Variants in CRTAP observed in about 807,000 individuals in gnomAD.
The protein encoded by CRTAP is cartilage associated protein.
CRTAP carries 33 observed loss-of-function variants against 42.7 expected under a neutral mutation model. The ratio of observed to expected loss-of-function variants is 0.77; its 90% CI spans 0.59 to 1.03. CRTAP has a LOEUF of 1.03. CRTAP is among the 50% of genes least tolerant of loss of function. The probability of loss-of-function intolerance (pLI) is 0.00; values close to 1 mark genes in which losing one functional copy is unlikely to be tolerated. For synonymous variants in CRTAP, 243 were observed against 217.7 expected, an observed-to-expected ratio of 1.12 and a Z score of -1.02; for missense variants, 613 against 533.9, an observed-to-expected ratio of 1.15 and a Z score of -1.46.
Position 33,124,489 on chromosome 3 carries a change from G to A in CRTAP, c.703G>A (p.Asp235Asn), listed in dbSNP as rs770887829. The change falls in exon 3 of 7, where the codon GAC becomes AAC. Residue 235 changes from aspartate to asparagine, a missense_variant. Transcript: ENST00000320954. Reference sequence around the variant, plus strand: ...CACAGACATGGAGCTGGCCCTTCCCGACTTCTTCAAAGCCTTTTACGAGTG... The same window carrying A: ...CACAGACATGGAGCTGGCCCTTCCCAACTTCTTCAAAGCCTTTTACGAGTG... ...SITDMELALP[D>N]FFKAFYECLA... is the part of the protein sequence containing the mutation. 2 of 1,614,210 alleles carry A rather than the reference G, an allele frequency of 1.2e-6. No individual in the cohort carries two copies. Among genetic ancestry groups the A allele is most frequent in the Non-Finnish European group, 1.7e-6 (2 of 1,180,040 alleles).
In CRTAP at chr3:33,114,114, G is replaced by T. The variant is rs1417210174; in HGVS notation, c.37G>T (p.Ala13Ser). The T allele has an allele frequency of 6.6e-7, 1 of 1,523,122 alleles. No homozygotes were observed. Among genetic ancestry groups the T allele is most frequent in the Admixed American group, 2.1e-5 (1 of 48,726 alleles). 94.4% of individuals were successfully genotyped at this position (1,523,122 alleles called of 1,614,324 possible). ...PGRRGAAALL[A>S]LLCVACALRA... is the part of the protein sequence containing the mutation. Reference sequence around the variant, plus strand: ...GCGCCGGGGGGCCGCGGCGCTGCTAGCGCTGCTGTGCGTGGCCTGCGCGCT... The same window carrying T: ...GCGCCGGGGGGCCGCGGCGCTGCTATCGCTGCTGTGCGTGGCCTGCGCGCT... Residue 13 changes from alanine (A) to serine (S), a missense_variant, in exon 1 of 7, where the codon GCG (alanine) becomes TCG (serine). Coordinates refer to ENST00000320954, the MANE Select transcript of CRTAP (RefSeq NM_006371.5).
intron 3 of CRTAP, among the ~76,000 whole-genome samples, chr3:33,128,617 G>A (rs2030147070): frequency 6.6e-6 from 1 of 152,144 alleles, no homozygotes; most frequent in Non-Finnish European, 1.5e-5. Context: ...AGGCTTTTTT[G>A]TTGGTGATGG....
chr3:33,114,590 T>C (rs1348112338), intron 1 of CRTAP, 42 bp downstream of exon 1: 10 of 1,538,160 alleles, frequency 6.5e-6, no homozygotes, highest in Non-Finnish European at 8.8e-6. Context: ...GCCCCGCCCC[T>C]GACCCAGCCT....
chr3:33,139,308 A>G (rs935756783), intron 6 of CRTAP, among the ~76,000 whole-genome samples: 7 of 150,754 alleles, frequency 4.6e-5, no homozygotes, highest in African/African-American at 1.5e-4. Context: ...GTCTCTCTGG[A>G]AAAAAAAAGA....
At chr3:33,141,946 G>A (rs1291809664) in intron 6 of CRTAP, among the ~76,000 whole-genome samples, 1 of 152,172 alleles carries the variant, frequency 6.6e-6, no homozygotes, top group East Asian at 1.9e-4. Flanking sequence ...CATGTATTGA[G>A]CACCTTCTGT....
chr3:33,124,726 C>T, intron 3 of CRTAP, 147 bp downstream of exon 3: 1 of 887,372 alleles, frequency 1.1e-6, no homozygotes, highest in Non-Finnish European at 1.8e-6. Context: ...GGGTAGTCAC[C>T]ACCTGCATAG....
At position 33,117,425 on chromosome 3, in the gene CRTAP, A is replaced by G. The variant is rs551976901; in HGVS notation, c.471+2877A>G. Among the ~76,000 whole-genome samples the G allele has an allele frequency of 2.0e-5, 3 of 152,304 alleles. No homozygotes were observed. The East Asian group carries it at 5.8e-4, about 29-fold the overall frequency. ...GCTACTGGTGTGCAGCCTCAGGTGC[A>G]TCATAGGTTTCTCGTCACCAGCCTA... On this transcript the variant is annotated intron_variant, in intron 1 of 6. Coordinates refer to ENST00000320954, the MANE Select transcript of CRTAP (RefSeq NM_006371.5).
rs138063065 is a variant in CRTAP, at chr3:33,145,055, A to G, written c.*2607A>G. The G allele has an allele frequency of 2.0e-5, 3 of 152,330 alleles. No homozygotes were observed. The highest frequency in any genetic ancestry group is 7.2e-5 in the African/African-American group (3 of 41,566). 9.4% of individuals were successfully genotyped at this position (152,330 alleles called of 1,614,324 possible). A position where few individuals can be genotyped will look rare whatever the true frequency, so the allele number is the denominator to read the frequency against. ...TTGGGTTTTTGTGTAATGGTGGTTA[A>G]TTGGGGTGGAACACTCACACGTTGT... On this transcript the variant is annotated 3_prime_UTR_variant, in exon 7 of 7. Transcript: ENST00000320954. This position sits in a 1 kb window ranked among gnomAD's most constrained non-coding sequence, Gnocchi z 4.3.
At chr3:33,141,727 C>T (rs1245781494) in intron 6 of CRTAP, among the ~76,000 whole-genome samples, 1 of 152,096 alleles carries the variant, frequency 6.6e-6, no homozygotes, top group Non-Finnish European at 1.5e-5. Context: ...GAAGAGAAGT[C>T]AATGTGGAGA....
At chr3:33,115,426 TAAGTTCTC>T (rs1170811863) in intron 1 of CRTAP, 1 of 152,126 alleles carries the variant, frequency 6.6e-6, no homozygotes, top group Non-Finnish European at 1.5e-5. Flanking sequence ...AATGGCTGCT[TAAGTTCTC>T]TCTGTGATTG....
In CRTAP at chr3:33,132,479, C is replaced by CT. The variant is rs1320091419; in HGVS notation, c.923-71dup. 23 of 1,598,484 alleles carry CT rather than the reference C, an allele frequency of 1.4e-5. No individual in the cohort carries two copies. The East Asian group carries it at 5.2e-4, about 36-fold the overall frequency. ...TGGAGAAGGGGCTTGTTCATATGGC[C>CT]TTTTTGTTTAGAAGCAGAGAAATTA... On this transcript the variant is annotated intron_variant, in intron 4 of 6. Transcript: ENST00000320954.
intron 3 of CRTAP, among the ~76,000 whole-genome samples, chr3:33,127,779 C>A (rs1455398670): frequency 2.2e-5 from 3 of 137,922 alleles, no homozygotes; most frequent in African/African-American, 8.3e-5. Context: ...CTGAGTCTCA[C>A]TCTGTCGCCC....
chr3:33,118,504 T>G (rs541755181), intron 1 of CRTAP, among the ~76,000 whole-genome samples: 1 of 152,342 alleles, frequency 6.6e-6, no homozygotes, highest in East Asian at 1.9e-4. Flanking sequence ...CACCCACCAC[T>G]TCTCTGATGT....
chr3:33,144,692 T>A lies in CRTAP; in HGVS notation c.*2244T>A, dbSNP rs2030674551. On this transcript the variant is annotated 3_prime_UTR_variant, in exon 7 of 7. Coordinates refer to ENST00000320954, the MANE Select transcript of CRTAP (RefSeq NM_006371.5). The stretch of plus-strand genomic sequence containing the variant: ...CCCTACTGAACCATCAGCATGTCAG[T>A]GGCATTTAAAGCCATGCAGCTGGAG... The A allele has an allele frequency of 6.6e-6, 1 of 152,196 alleles. No individual in the cohort carries two copies. The highest frequency in any genetic ancestry group is 1.5e-5 in the Non-Finnish European group (1 of 68,058). The allele number at this position is 152,196 out of a possible 1,614,324, so 9.4% of individuals were successfully genotyped here.
chr3:33,138,300 T>A (rs1456629786), intron 6 of CRTAP, among the ~76,000 whole-genome samples: 2 of 152,210 alleles, frequency 1.3e-5, no homozygotes, highest in Non-Finnish European at 2.9e-5. Flanking sequence ...GGGATTTTTT[T>A]ATAGGAATTC....
At chr3:33,119,498 A>ATT (rs5847773) in intron 1 of CRTAP, among the ~76,000 whole-genome samples, 60 of 151,292 alleles carry the variant, frequency 4.0e-4, no homozygotes, top group African/African-American at 1.2e-3. Flanking sequence ...GCAGGTGGGG[A>ATT]TTTTTTTTTC....
rs779445814 is a variant in CRTAP at position 33,146,151 on chromosome 3, A to C, written c.*3703A>C. On this transcript the variant is annotated 3_prime_UTR_variant, in exon 7 of 7. Coordinates refer to ENST00000320954, the MANE Select transcript of CRTAP (RefSeq NM_006371.5). ...AGTGTGCTTCTTGGAAGAGCCTAGA[A>C]GATTCCTGGATGGAGACCCCATTGG... 2.6e-5 allele frequency: 4 copies of C among 152,240 alleles called. No individual in the cohort carries two copies. The highest frequency in any genetic ancestry group is 5.9e-5 in the Non-Finnish European group (4 of 68,066). The allele number at this position is 152,240 out of a possible 1,614,324, so 9.4% of individuals were successfully genotyped here.
At chr3:33,131,271 G>T (rs1220066181) in intron 4 of CRTAP, among the ~76,000 whole-genome samples, 1 of 151,348 alleles carries the variant, frequency 6.6e-6, no homozygotes, top group African/African-American at 2.4e-5. Flanking sequence ...TTTGCGGGGG[G>T]GGGTTCCTCT....
chr3:33,121,163 C>T (rs2029871874), intron 2 of CRTAP, among the ~76,000 whole-genome samples: 1 of 152,140 alleles, frequency 6.6e-6, no homozygotes, highest in Non-Finnish European at 1.5e-5. Context: ...AATCCCAGCA[C>T]TTTGGGAGGC....
Sources: gnomAD v4.1 joint callset for allele counts (sites outside exome capture counted in the v4.1 genomes callset) on GRCh38, gnomAD v4.1.1 for gene constraint, Gnocchi (gnomAD v3.1) non-coding constraint, MANE v1.5 for transcripts, NCBI Gene and HGNC (gene_info 2026-07-23, HGNC 2026-07-21) for gene names.